The following HERC1 variants were observed in gnomAD, a reference collection of about 807,000 sequenced individuals.
HERC1 encodes HECT and RLD domain containing E3 ubiquitin protein ligase family member 1.
HERC1 carries 160 observed loss-of-function variants against 554.3 expected under a neutral mutation model. That is an observed-to-expected ratio of 0.29 (90% CI 0.25 to 0.33). HERC1 has a LOEUF of 0.33. Ranked by LOEUF, HERC1 falls within the 10% of genes least tolerant of loss-of-function variation. HERC1 has a pLI of 1.00. For synonymous variants in HERC1, 2,175 were observed against 2,131.7 expected, an observed-to-expected ratio of 1.02 and a Z score of -0.56; for missense variants, 4,919 against 5,918.5, an observed-to-expected ratio of 0.83 and a Z score of 5.54.
intron 24 of HERC1, among the ~76,000 whole-genome samples, chr15:63,712,058 A>G (rs113023760): frequency 6.6e-6 from 1 of 152,224 alleles, no homozygotes; most frequent in African/African-American, 2.4e-5. Context: ...CATCTTATTT[A>G]TCTTTACCCT....
chr15:63,676,381 G>A (rs2071208737), intron 37 of HERC1, among the ~76,000 whole-genome samples: 1 of 152,176 alleles, frequency 6.6e-6, no homozygotes, highest in Admixed American at 6.5e-5. Context: ...TTATGTGTAT[G>A]TATTTTTTGG....
At chr15:63,833,373 C>A (rs1004375281) in intron 1 of HERC1, among the ~76,000 whole-genome samples, 2 of 152,174 alleles carry the variant, frequency 1.3e-5, no homozygotes, top group Non-Finnish European at 2.9e-5. Flanking sequence ...ACCGGGGTCG[C>A]GGCACTCCCC....
intron 63 of HERC1, 34 bp from the exon 64 acceptor site, chr15:63,637,677 CT>C: frequency 6.6e-7 from 1 of 1,509,594 alleles, no homozygotes; most frequent in Non-Finnish European, 9.0e-7. Flanking sequence ...ATATTTTATT[CT>C]TTATTATATT....
In HERC1 at chr15:63,749,468, A is replaced by C. The variant is rs768335260; in HGVS notation, c.2118T>G (p.Ile706Met). The C allele has an allele frequency of 6.2e-7, 1 of 1,613,664 alleles. No homozygotes were observed. The highest frequency in any genetic ancestry group is 8.5e-7 in the Non-Finnish European group (1 of 1,179,722). ...AGCCACTCACTTTCTTTGGTTTAGT[A>C]ATAGGACCTGTGGAATTTCCCTGAC... ...QCGQGNSTGP[I>M]TKPKKVSGLD... The change falls in exon 10 of 78, where the codon ATT (isoleucine) becomes ATG (methionine). Residue 706 changes from isoleucine (I) to methionine (M), a missense_variant. Coordinates refer to ENST00000443617, the MANE Select transcript of HERC1 (RefSeq NM_003922.4). This position sits in a 1 kb window ranked among gnomAD's most constrained non-coding sequence, Gnocchi z 4.1.
At position 63,694,237 on chromosome 15, in the gene HERC1, GAGGGAA is replaced by G; in HGVS notation, c.5480+69_5480+74del. Reference sequence around the variant, plus strand: ...GTGCTTAAATACATAAAGCAGATTAGAGGGAAAGGGGGAATTCTAAAATGGAGGAAG... The same window carrying G: ...GTGCTTAAATACATAAAGCAGATTAGAGGGGGAATTCTAAAATGGAGGAAG... On this transcript the variant is annotated intron_variant, in intron 29 of 77. Coordinates refer to ENST00000443617, the MANE Select transcript of HERC1 (RefSeq NM_003922.4). This position sits in a 1 kb window ranked among gnomAD's most constrained non-coding sequence, Gnocchi z 4.3. 6.4e-7 allele frequency: 1 copy of G among 1,564,616 alleles called. No individual in the cohort carries two copies. The highest frequency in any genetic ancestry group is 1.2e-5 in the South Asian group (1 of 85,732).
rs1278094343 is a variant in HERC1 at position 63,755,262 on chromosome 15, A to G, written c.1597T>C (p.Tyr533His). ...CCAAAGTCTCCTTCACCCCATGTGT[A>G]TAATTCCCCATCCTCTGTGACAGCA... The part of the protein sequence containing the change: ...SAAVTEDGEL[Y>H]TWGEGDFGRL... Residue 533 changes from tyrosine (Y) to histidine (H), a missense_variant, in exon 6 of 78, where the codon TAC becomes CAC. Tyr to His is a moderately conservative substitution (Grantham distance 83, BLOSUM62 2). This residue lies in a region of HERC1 where 744 missense variants were observed against 1,090.0 expected (regional missense o/e 0.68). Coordinates refer to ENST00000443617, the MANE Select transcript of HERC1 (RefSeq NM_003922.4). 2.5e-6 allele frequency: 4 copies of G among 1,613,616 alleles called. No homozygotes were observed. Among genetic ancestry groups the G allele is most frequent in the Non-Finnish European group, 3.4e-6 (4 of 1,179,658 alleles).
At chr15:63,805,802 G>C (rs1439259475) in intron 1 of HERC1, among the ~76,000 whole-genome samples, 1 of 151,922 alleles carries the variant, frequency 6.6e-6, no homozygotes, top group Non-Finnish European at 1.5e-5. Context: ...AGTTAGCCAT[G>C]TATAGTGGTA....
chr15:63,664,955 T>G (rs2070544256), intron 42 of HERC1, among the ~76,000 whole-genome samples: 1 of 152,228 alleles, frequency 6.6e-6, no homozygotes, highest in African/African-American at 2.4e-5. Context: ...AAATACGTTA[T>G]GAAAATATTC....
At chr15:63,825,965 G>A (rs575138442) in intron 1 of HERC1, among the ~76,000 whole-genome samples, 6 of 152,048 alleles carry the variant, frequency 3.9e-5, no homozygotes, top group Non-Finnish European at 5.9e-5. Flanking sequence ...GTTTCACCAT[G>A]TTGGCCAGGC....
chr15:63,736,987 G>C (rs2074534587), intron 12 of HERC1, among the ~76,000 whole-genome samples: 1 of 151,282 alleles, frequency 6.6e-6, no homozygotes, highest in South Asian at 2.1e-4. Context: ...TTATGACAGA[G>C]ACTAAAACTA....
At chr15:63,675,268 G>C in intron 37 of HERC1, 151 bp from the exon 38 acceptor site, 61 of 564,850 alleles carry the variant, frequency 1.1e-4, no homozygotes, top group South Asian at 4.0e-5. Flanking sequence ...CAAACACAGA[G>C]AAAAACGAGT....
intron 1 of HERC1, among the ~76,000 whole-genome samples, chr15:63,808,773 G>A (rs2077208215): frequency 6.6e-6 from 1 of 152,166 alleles, no homozygotes. Flanking sequence ...GACACTAGAT[G>A]TCAACAGAAG....
intron 12 of HERC1, among the ~76,000 whole-genome samples, chr15:63,739,774 G>A (rs2074715596): frequency 6.6e-6 from 1 of 152,056 alleles, no homozygotes; most frequent in African/African-American, 2.4e-5. Context: ...GGACGTGGAG[G>A]TTACAGTGAG....
intron 18 of HERC1, among the ~76,000 whole-genome samples, chr15:63,725,028 A>C (rs1390492010): frequency 6.6e-6 from 1 of 152,212 alleles, no homozygotes; most frequent in Non-Finnish European, 1.5e-5. Flanking sequence ...ATTGAGTTAG[A>C]TGACTTGCTC....
At chr15:63,755,684 T>G (rs1213578993) in intron 5 of HERC1, among the ~76,000 whole-genome samples, 1 of 151,900 alleles carries the variant, frequency 6.6e-6, no homozygotes, top group Non-Finnish European at 1.5e-5. Flanking sequence ...GAAAGCTGAG[T>G]TGGGAGGACC....
chr15:63,622,687 A>G, intron 74 of HERC1, 128 bp downstream of exon 74: 1 of 610,522 alleles, frequency 1.6e-6, no homozygotes, highest in South Asian at 2.4e-5. Flanking sequence ...TTAGGGTTAC[A>G]ATGAGGACTG....
chr15:63,818,315 G>A (rs186569390), intron 1 of HERC1, among the ~76,000 whole-genome samples: 5 of 152,134 alleles, frequency 3.3e-5, no homozygotes, highest in South Asian at 4.2e-4. Flanking sequence ...AAAGCACTCC[G>A]GCTCACTGAG....
At chr15:63,703,583 G>A (rs1399004680) in intron 25 of HERC1, among the ~76,000 whole-genome samples, 2 of 151,952 alleles carry the variant, frequency 1.3e-5, no homozygotes, top group Non-Finnish European at 1.5e-5. Flanking sequence ...ATTGGAAGGG[G>A]TAAACAAGCA....
At chr15:63,624,108 C>T (rs766572092) in intron 72 of HERC1, 50 bp downstream of exon 72, 2 of 1,490,228 alleles carry the variant, frequency 1.3e-6, no homozygotes, top group South Asian at 2.5e-5. Flanking sequence ...TAATAACATC[C>T]ATCTGAAAAA....
Sources: gnomAD v4.1 joint callset for allele counts (sites outside exome capture counted in the v4.1 genomes callset) on GRCh38, gnomAD v4.1.1 for gene constraint, gnomAD v4.1.1 regional missense constraint, Gnocchi (gnomAD v3.1) non-coding constraint, MANE v1.5 for transcripts, NCBI Gene and HGNC (gene_info 2026-07-23, HGNC 2026-07-21) for gene names.